Variants in MYH4 observed in about 807,000 individuals in gnomAD.
MYH4 encodes myosin heavy chain 4.
MYH4 carries 200 observed loss-of-function variants against 229.9 expected under a neutral mutation model. The observed-to-expected ratio is 0.87, with a 90% CI of 0.78 to 0.98. MYH4 has a LOEUF of 0.98. Among genes scored for constraint, MYH4 ranks in the 50% least tolerant of loss-of-function variants. The probability of loss-of-function intolerance (pLI) is 0.00; values close to 1 mark genes in which losing one functional copy is unlikely to be tolerated. For missense variants in MYH4, 2,148 were observed against 2,332.6 expected (o/e 0.92, Z 1.63); for synonymous variants, 761 against 834.6 (o/e 0.91, Z 1.52).
chr17:10,452,142 G>A lies in MYH4; in HGVS notation c.3537C>T (p.Arg1179=). 6.2e-7 allele frequency: 1 copy of A among 1,614,022 alleles called. No homozygotes were observed. Among genetic ancestry groups the A allele is most frequent in the Non-Finnish European group, 8.5e-7 (1 of 1,180,016 alleles). Residue 1179 remains arginine (R), a synonymous_variant, in exon 27 of 40, where the codon CGC becomes CGT. Transcript: ENST00000255381. ...KKREAEFQKM[R]RDLEESTLQH... is the part of the protein sequence containing the mutation. ...GCAGGGTGGACTCTTCCAGGTCCCT[G>A]CGCATTTTCTGGAACTCAGCCTCCC... is the stretch of plus-strand genomic sequence containing the variant.
chr17:10,455,718 A>G lies in MYH4; in HGVS notation c.2070T>C (p.His690=). ...ACCTCAGCTGATGCAGGACAAGCTCATGCTCCATGGCACCTAAGAGAATGA... is the reference window on the plus strand; with the variant it reads ...ACCTCAGCTGATGCAGGACAAGCTCGTGCTCCATGGCACCTAAGAGAATGA... ...NETKTPGAME[H]ELVLHQLRCN... The change falls in exon 19 of 40, where the codon CAT becomes CAC. Residue 690 remains histidine (H), a synonymous_variant. Coordinates refer to ENST00000255381, the MANE Select transcript of MYH4 (RefSeq NM_017533.2). The G allele has an allele frequency of 3.7e-6, 6 of 1,614,032 alleles. No homozygotes were observed. The highest frequency in any genetic ancestry group is 4.2e-6 in the Non-Finnish European group (5 of 1,179,892).
rs1224358883 is a variant in MYH4, at chr17:10,448,928, A to T, written c.4301T>A (p.Ile1434Asn). 1.2e-6 allele frequency: 2 copies of T among 1,614,152 alleles called. No homozygotes were observed. The highest frequency in any genetic ancestry group is 1.7e-5 in the Admixed American group (1 of 60,020). The change falls in exon 31 of 40, where the codon ATT (isoleucine) becomes AAT (asparagine). Residue 1434 changes from isoleucine (I) to asparagine (N), a missense_variant. Ile to Asn is a moderately radical substitution (Grantham distance 149, BLOSUM62 -3). Coordinates refer to ENST00000255381, the MANE Select transcript of MYH4 (RefSeq NM_017533.2). Reference sequence around the variant, plus strand: ...GGCAGCATTAGATCGTTCCACATCAATCATGAGGTCCTCTACTTCATTCTG... The same window carrying T: ...GGCAGCATTAGATCGTTCCACATCATTCATGAGGTCCTCTACTTCATTCTG... ...RLQNEVEDLM[I>N]DVERSNAACI...
At position 10,463,411 on chromosome 17, in the gene MYH4, G is replaced by T. The variant is rs766112411; in HGVS notation, c.742-10C>A. On this transcript the variant is annotated splice_polypyrimidine_tract_variant and intron_variant, in intron 8 of 39. Transcript: ENST00000255381. ...TCCTGATGAATTTACCCTTAAAAAA[G>T]AAAAGGAGGGATTATTATACACATT... The T allele has an allele frequency of 1.2e-6, 2 of 1,610,530 alleles. No homozygotes were observed. Among genetic ancestry groups the T allele is most frequent in the Non-Finnish European group, 1.7e-6 (2 of 1,178,266 alleles).
intron 7 of MYH4, 148 bp downstream of exon 7, chr17:10,464,324 C>CA (rs1567706894): frequency 1.1e-5 from 8 of 736,850 alleles, no homozygotes; most frequent in East Asian, 5.5e-5. Flanking sequence ...CATGTTGCTG[C>CA]AAAAAATATG....
chr17:10,457,778 A>G (rs373178208), intron 15 of MYH4, 49 bp from the exon 16 acceptor site: 2 of 1,557,130 alleles, frequency 1.3e-6, no homozygotes, highest in Non-Finnish European at 1.7e-6. Context: ...TCAGAAAGTT[A>G]TGCTCCATGT....
chr17:10,459,108 G>A, intron 15 of MYH4, 143 bp downstream of exon 15: 1 of 1,360,954 alleles, frequency 7.3e-7, no homozygotes, highest in East Asian at 2.4e-5. Flanking sequence ...AGATCACTTG[G>A]AACATACCTC....
In MYH4 at chr17:10,464,117, A is replaced by G. The variant is rs1299595147; in HGVS notation, c.648+355T>C. Among the ~76,000 whole-genome samples the G allele has an allele frequency of 2.0e-5, 3 of 152,074 alleles. No homozygotes were observed. The East Asian group carries it at 5.8e-4, about 29-fold the overall frequency. On this transcript the variant is annotated intron_variant, in intron 7 of 39. Coordinates refer to ENST00000255381, the MANE Select transcript of MYH4 (RefSeq NM_017533.2). ...TATGGATGATCCTGTCATCCAGGTA[A>G]TGAGCATAGATAGTACCCAATAGGT...
At chr17:10,459,888 G>A (rs1337497815) in intron 14 of MYH4, 64 bp downstream of exon 14, 6 of 1,610,194 alleles carry the variant, frequency 3.7e-6, no homozygotes, top group East Asian at 2.2e-5. Flanking sequence ...TTTTGTAAAT[G>A]TGATTTTGTA....
rs894578122 is a variant in MYH4 at position 10,462,542 on chromosome 17, G to T, written c.1008+323C>A. Among the ~76,000 whole-genome samples the T allele has an allele frequency of 3.9e-5, 6 of 152,264 alleles. No individual in the cohort carries two copies. The South Asian group carries it at 1.2e-3, about 32-fold the overall frequency. ...TCCTTCCCAGAATCTTGGGTGTGAGGTGTGGCATAAAATAGCAGAGAAACA... is the reference window on the plus strand; with the variant it reads ...TCCTTCCCAGAATCTTGGGTGTGAGTTGTGGCATAAAATAGCAGAGAAACA... On this transcript the variant is annotated intron_variant, in intron 11 of 39. Transcript: ENST00000255381.
At chr17:10,456,694 C>T in intron 16 of MYH4, 139 bp from the exon 17 acceptor site, 2 of 653,228 alleles carry the variant, frequency 3.1e-6, no homozygotes, top group South Asian at 2.1e-5. Flanking sequence ...CTTTCCATAT[C>T]TCTCCTCCCT....
rs926090849 is a variant in MYH4 at position 10,448,474 on chromosome 17, A to G, written c.4578T>C (p.His1526=). Residue 1526 remains histidine (H), a synonymous_variant, in exon 33 of 40, where the codon CAT becomes CAC. Coordinates refer to ENST00000255381, the MANE Select transcript of MYH4 (RefSeq NM_017533.2). ...TCTTTACTTTCTCCAGTTCATGGAT[A>G]TGCTTTCCACCCTCTGCAATTTGCT... ...LTEQIAEGGK[H]IHELEKVKKQ... is the part of the protein sequence containing the mutation. 1.7e-5 allele frequency: 27 copies of G among 1,613,900 alleles called. No homozygotes were observed. The highest frequency in any genetic ancestry group is 2.2e-5 in the Non-Finnish European group (26 of 1,179,922).
intron 15 of MYH4, among the ~76,000 whole-genome samples, chr17:10,457,955 A>T (rs1450336864): frequency 1.3e-5 from 2 of 152,212 alleles, no homozygotes; most frequent in African/African-American, 4.8e-5. Flanking sequence ...GGCACACTTT[A>T]TGTTCAGTGT....
intron 32 of MYH4, 40 bp downstream of exon 32, chr17:10,448,578 T>C: frequency 6.2e-7 from 1 of 1,610,530 alleles, no homozygotes; most frequent in Non-Finnish European, 8.5e-7. Flanking sequence ...AAAAGATGTC[T>C]CCCTACCATT....
In MYH4 at chr17:10,461,010, G is replaced by A. The variant is rs758188143; in HGVS notation, c.1053C>T (p.Ala351=). The change falls in exon 12 of 40, where the codon GCC becomes GCT. Residue 351 remains alanine, a synonymous_variant. Transcript: ENST00000255381. ...TCACGGCTCCAGTGAGCTTGTAAATGGCCACCTTTTCATCAGCAGTGAAAC... is the reference window on the plus strand; with the variant it reads ...TCACGGCTCCAGTGAGCTTGTAAATAGCCACCTTTTCATCAGCAGTGAAAC... ...ILGFTADEKV[A]IYKLTGAVMH... The A allele has an allele frequency of 2.5e-6, 4 of 1,613,968 alleles. No homozygotes were observed. Among genetic ancestry groups the A allele is most frequent in the African/African-American group, 1.3e-5 (1 of 74,968 alleles).
chr17:10,450,512 C>G lies in MYH4; in HGVS notation c.4122G>C (p.Gln1374His). The part of the protein sequence containing the change: ...GMSKANSEVA[Q>H]WRTKYETDAI... The stretch of plus-strand genomic sequence containing the variant: ...CGTCCGTCTCGTACTTGGTCCTCCA[C>G]TGGGCAACCTCACTGTTGGCCTTGG... Residue 1374 changes from glutamine (Q) to histidine (H), a missense_variant, in exon 30 of 40, where the codon CAG (glutamine) becomes CAC (histidine). By Grantham distance (24) the Gln-to-His change is conservative. Coordinates refer to ENST00000255381, the MANE Select transcript of MYH4 (RefSeq NM_017533.2). The G allele has an allele frequency of 6.2e-7, 1 of 1,614,122 alleles. No individual in the cohort carries two copies. Among genetic ancestry groups the G allele is most frequent in the Non-Finnish European group, 8.5e-7 (1 of 1,179,966 alleles).
rs766458062 is a variant in MYH4, at chr17:10,452,748, T to A, written c.3257+39A>T. ...AGCGTATGTTTCATTTGCATTGACA[T>A]ACAACAAGCAGGTTATAGCTGAATT... On this transcript the variant is annotated intron_variant, in intron 25 of 39. Coordinates refer to ENST00000255381, the MANE Select transcript of MYH4 (RefSeq NM_017533.2). 1.5e-5 allele frequency: 24 copies of A among 1,561,424 alleles called. No homozygotes were observed. The East Asian group carries it at 5.2e-4, about 34-fold the overall frequency.
intron 19 of MYH4, 31 bp from the exon 20 acceptor site, chr17:10,455,326 G>A (rs2072627158): frequency 1.9e-6 from 3 of 1,590,948 alleles, no homozygotes; most frequent in South Asian, 1.2e-5. Context: ...TAAAAATGTG[G>A]TTTTTCTTCA....
chr17:10,463,672 G>A, intron 7 of MYH4, 29 bp from the exon 8 acceptor site: 1 of 1,528,400 alleles, frequency 6.5e-7, no homozygotes, highest in Admixed American at 1.9e-5. Context: ...GACAGACAAA[G>A]AAAAAAGTTG....
chr17:10,458,648 G>A (rs2072667233), intron 15 of MYH4, among the ~76,000 whole-genome samples: 1 of 152,124 alleles, frequency 6.6e-6, no homozygotes, highest in East Asian at 1.9e-4. Flanking sequence ...GATACTTTTG[G>A]AAGTGTTTAA....
Sources: allele counts gnomAD v4.1 joint callset (sites outside exome capture counted in the v4.1 genomes callset), GRCh38; gene constraint gnomAD v4.1.1; transcripts MANE v1.5; gene names NCBI Gene and HGNC (gene_info 2026-07-23, HGNC 2026-07-21).